The following XKR9 variants were observed in gnomAD, a reference collection of about 807,000 sequenced individuals.
XKR9 encodes the protein XK-related protein 9.
In XKR9, 32 loss-of-function variants were observed where a neutral mutation model predicts 32.0. That is an observed-to-expected ratio of 1.00 (90% confidence interval 0.76 to 1.34). The LOEUF (loss-of-function observed/expected upper bound fraction) is 1.34, where lower values mean the gene tolerates loss of function less well. Among genes scored for constraint, XKR9 ranks in the 40% most tolerant of loss-of-function variants. XKR9 has a pLI of 0.00. For synonymous variants in XKR9, 168 were observed against 143.4 expected (o/e 1.17, Z -1.22); for missense variants, 546 against 429.7 (o/e 1.27, Z -2.39).
chr8:70,816,862 A>G, the XKR9 span, among the ~76,000 whole-genome samples: 3 of 152,286 alleles, frequency 2.0e-5, no homozygotes, highest in South Asian at 6.2e-4. Context: ...ACAGAATTAA[A>G]AACAACAACC....
the XKR9 span, among the ~76,000 whole-genome samples, chr8:70,808,506 C>T: frequency 6.6e-6 from 1 of 152,186 alleles, no homozygotes; most frequent in Non-Finnish European, 1.5e-5. Context: ...GGCATTGCCT[C>T]ACCCAGGAAG....
At chr8:70,902,961 G>C in the XKR9 span, among the ~76,000 whole-genome samples, 825 of 152,166 alleles carry the variant, frequency 5.4e-3, 11 homozygotes, top group African/African-American at 0.019. Context: ...TGCATATGTT[G>C]AACCAGCCTT....
chr8:70,826,038 T>C, the XKR9 span, among the ~76,000 whole-genome samples: 1 of 152,072 alleles, frequency 6.6e-6, no homozygotes, highest in Admixed American at 6.5e-5. Context: ...AAAGAAAAAT[T>C]AGACTTAGAG....
chr8:71,042,308 C>G, the XKR9 span, among the ~76,000 whole-genome samples: 2 of 152,082 alleles, frequency 1.3e-5, no homozygotes, highest in Non-Finnish European at 2.9e-5. Flanking sequence ...AGAGAAGGAA[C>G]AGTTGCCAGG....
At chr8:70,956,132 G>T in the XKR9 span, among the ~76,000 whole-genome samples, 1 of 152,128 alleles carries the variant, frequency 6.6e-6, no homozygotes, top group Non-Finnish European at 1.5e-5. Context: ...CCTTGTTTGC[G>T]TTACAACTCT....
At chr8:70,747,065 C>T (rs1807068675) in intron 2 of XKR9, among the ~76,000 whole-genome samples, 1 of 152,168 alleles carries the variant, frequency 6.6e-6, no homozygotes, top group Admixed American at 6.5e-5. Flanking sequence ...TCCAGCTATC[C>T]ATGGTTCTGC....
the XKR9 span, among the ~76,000 whole-genome samples, chr8:71,014,411 G>A: frequency 3.3e-5 from 5 of 152,088 alleles, no homozygotes; most frequent in African/African-American, 7.2e-5. Context: ...AAAGCTCTAG[G>A]GGAGAACTCC....
At chr8:70,901,482 C>T in the XKR9 span, among the ~76,000 whole-genome samples, 1 of 152,172 alleles carries the variant, frequency 6.6e-6, no homozygotes, top group East Asian at 1.9e-4. Context: ...TGTTCATATC[C>T]TTCACCCACT....
chr8:70,757,132 T>C (rs1807238349), intron 2 of XKR9, among the ~76,000 whole-genome samples: 1 of 152,218 alleles, frequency 6.6e-6, no homozygotes, highest in Non-Finnish European at 1.5e-5. Flanking sequence ...CTTACTTATA[T>C]GACCTATTAC....
intron 2 of XKR9, among the ~76,000 whole-genome samples, chr8:70,751,761 C>G (rs1481575980): frequency 6.6e-6 from 1 of 152,164 alleles, no homozygotes; most frequent in Non-Finnish European, 1.5e-5. Context: ...CCTGCTCTGT[C>G]ACCCCATATT....
intron 4 of XKR9, among the ~76,000 whole-genome samples, chr8:70,727,414 G>C (rs1586863278): frequency 6.9e-6 from 1 of 145,386 alleles, no homozygotes; most frequent in Non-Finnish European, 1.5e-5. Flanking sequence ...TTTTTTGTTT[G>C]TTTTGAGACA....
At chr8:71,014,555 G>T in the XKR9 span, among the ~76,000 whole-genome samples, 1 of 152,110 alleles carries the variant, frequency 6.6e-6, no homozygotes, top group Non-Finnish European at 1.5e-5. Flanking sequence ...AAGAACACCT[G>T]CCATTGGATT....
chr8:70,696,174 C>G (rs1225668576), intron 3 of XKR9, among the ~76,000 whole-genome samples: 4 of 152,000 alleles, frequency 2.6e-5, no homozygotes, highest in Non-Finnish European at 5.9e-5. Context: ...TGTGCAGAAG[C>G]TCTTTAGTTT....
chr8:70,891,486 ATTTC>A, the XKR9 span, among the ~76,000 whole-genome samples: 1 of 151,530 alleles, frequency 6.6e-6, no homozygotes, highest in African/African-American at 2.4e-5. Context: ...GGTGTGTTGT[ATTTC>A]TTTTTTTATT....
the XKR9 span, among the ~76,000 whole-genome samples, chr8:70,884,067 G>T: frequency 3.1e-4 from 47 of 152,148 alleles, no homozygotes; most frequent in African/African-American, 1.1e-3. Flanking sequence ...AGTGTTTGGG[G>T]TTTTAGCTAT....
the XKR9 span, among the ~76,000 whole-genome samples, chr8:70,799,595 G>C: frequency 3.3e-5 from 5 of 152,138 alleles, no homozygotes; most frequent in Non-Finnish European, 7.3e-5. Context: ...GCCTCCCAAA[G>C]TGCTGGAATT....
At chr8:70,733,765 A>G (rs781511056) in intron 4 of XKR9, 31 bp from the exon 5 acceptor site, 1 of 1,470,778 alleles carries the variant, frequency 6.8e-7, no homozygotes, top group South Asian at 1.5e-5. Context: ...TATTCCTATA[A>G]CAATATATTT....
chr8:70,736,644 A>T (rs200155386), downstream of XKR9, among the ~76,000 whole-genome samples: 7 of 151,856 alleles, frequency 4.6e-5, no homozygotes, highest in Admixed American at 6.6e-5. Context: ...TAACTTTTGT[A>T]TAAGGTGTAA....
intron 4 of XKR9, among the ~76,000 whole-genome samples, chr8:70,707,631 G>A (rs953636679): frequency 1.3e-5 from 2 of 151,790 alleles, no homozygotes; most frequent in African/African-American, 4.8e-5. Context: ...TTTAACCATT[G>A]AAAAAATGCT....
Sources: allele counts gnomAD v4.1 joint callset (sites outside exome capture counted in the v4.1 genomes callset), GRCh38; gene constraint gnomAD v4.1.1; transcripts MANE v1.5; gene names NCBI Gene and HGNC (gene_info 2026-07-23, HGNC 2026-07-21).